The following DNAH9 variants were observed in gnomAD, a reference collection of about 807,000 sequenced individuals.
DNAH9 encodes the protein dynein axonemal heavy chain 9.
DNAH9 carries 345 observed loss-of-function variants against 471.6 expected under a neutral mutation model. The observed-to-expected ratio is 0.73, with a 90% CI of 0.67 to 0.80. The LOEUF is 0.80. Among genes scored for constraint, DNAH9 ranks in the 30% least tolerant of loss-of-function variants. DNAH9 has a pLI of 0.00. For synonymous variants in DNAH9, 2,093 were observed against 2,123.6 expected, an observed-to-expected ratio of 0.99 and a Z score of 0.40; for missense variants, 5,407 against 5,609.2, an observed-to-expected ratio of 0.96 and a Z score of 1.15.
At position 11,934,057 on chromosome 17, in the gene DNAH9, A is replaced by C. The variant is rs780091329; in HGVS notation, c.12475A>C (p.Asn4159His). 6 of 1,613,684 alleles carry C rather than the reference A, an allele frequency of 3.7e-6. No homozygotes were observed. The highest frequency in any genetic ancestry group is 4.2e-6 in the Non-Finnish European group (5 of 1,179,760). Residue 4159 changes from asparagine (N) to histidine (H), a missense_variant, in exon 65 of 69, where the codon AAT (asparagine) becomes CAT (histidine). Coordinates refer to ENST00000262442, the MANE Select transcript of DNAH9 (RefSeq NM_001372.4). ...GFPLPGNMDY[N>H]GYHQYIDAEL... ...CCCACTCCCAGGCAACATGGACTAC[A>C]ATGGTTATCATCAGGTGAGACTCTG...
chr17:11,735,427 T>TTTTTG (rs545975130), intron 28 of DNAH9, among the ~76,000 whole-genome samples: 1 of 152,068 alleles, frequency 6.6e-6, no homozygotes, highest in Non-Finnish European at 1.5e-5. Flanking sequence ...TTGTTTTGTT[T>TTTTTG]TTTTGTTTTG....
In DNAH9 at chr17:11,632,204, C is replaced by T. The variant is rs754815110; in HGVS notation, c.1519-383C>T. ...ACAGAATTCTGACTTGGGGAAGGAA[C>T]GAAAGTGGGTGGTAAAGTTGAAATA... On this transcript the variant is annotated intron_variant, in intron 7 of 68. Transcript: ENST00000262442. Among the ~76,000 whole-genome samples, 12 of 152,252 alleles carry T rather than the reference C, an allele frequency of 7.9e-5. 1 individual carries two copies. In the South Asian group the frequency reaches 8.3e-4, roughly 11 times the overall value.
intron 27 of DNAH9, among the ~76,000 whole-genome samples, chr17:11,727,047 CAAAAAAAAAA>C (rs55659834): frequency 1.0e-4 from 7 of 68,464 alleles, no homozygotes; most frequent in South Asian, 8.9e-4. Flanking sequence ...GACTCCGTCT[CAAAAAAAAAA>C]AAAAAAAAAA....
chr17:11,881,551 A>G (rs1972722433), intron 55 of DNAH9, 138 bp downstream of exon 55: 1 of 803,744 alleles, frequency 1.2e-6, no homozygotes, highest in Admixed American at 3.0e-5. Context: ...TGCTGACCCC[A>G]TGTAGCAACC....
intron 43 of DNAH9, among the ~76,000 whole-genome samples, chr17:11,798,432 CAAAAA>C (rs71142247): frequency 9.7e-5 from 6 of 61,596 alleles, no homozygotes; most frequent in East Asian, 5.6e-4. Flanking sequence ...GACTCTGCCT[CAAAAA>C]AAAAAAAAAA....
chr17:11,889,778 A>T (rs1972993266), intron 57 of DNAH9, among the ~76,000 whole-genome samples: 1 of 152,228 alleles, frequency 6.6e-6, no homozygotes, highest in South Asian at 2.1e-4. Flanking sequence ...AAGATGAAAA[A>T]TACCAAAGAT....
chr17:11,716,885 C>T (rs370085224), intron 26 of DNAH9, among the ~76,000 whole-genome samples: 2 of 152,180 alleles, frequency 1.3e-5, no homozygotes, highest in Non-Finnish European at 2.9e-5. Flanking sequence ...AGGCAGGGGG[C>T]CATGGCAGGC....
At chr17:11,721,320 A>G (rs2150804839) in intron 27 of DNAH9, among the ~76,000 whole-genome samples, 1 of 152,118 alleles carries the variant, frequency 6.6e-6, no homozygotes, top group South Asian at 2.1e-4. Flanking sequence ...TTTTTCAACT[A>G]TAGGCTAAGC....
chr17:11,705,040 G>T lies in DNAH9; in HGVS notation c.5407G>T (p.Ala1803Ser), dbSNP rs2074675491. 6.2e-7 allele frequency: 1 copy of T among 1,614,166 alleles called. No homozygotes were observed. Among genetic ancestry groups the T allele is most frequent in the Non-Finnish European group, 8.5e-7 (1 of 1,180,000 alleles). Residue 1803 changes from alanine to serine, a missense_variant, in exon 26 of 69, where the codon GCT becomes TCT. Physicochemically the swap from Ala to Ser is moderately conservative, Grantham distance 99 (BLOSUM62 1). This residue lies in a region of DNAH9 where 4,636 missense variants were observed against 4,900.3 expected (regional missense o/e 0.95). Coordinates refer to ENST00000262442, the MANE Select transcript of DNAH9 (RefSeq NM_001372.4). ...MIAQKVDNAQ[A>S]FLWLSQLRHR... ...CTCTCTTTAGGTAGACAATGCCCAG[G>T]CTTTCCTCTGGCTGTCTCAGCTGCG... is the stretch of plus-strand genomic sequence containing the variant.
chr17:11,866,598 G>A (rs1409549937), intron 50 of DNAH9, among the ~76,000 whole-genome samples: 51 of 152,316 alleles, frequency 3.3e-4, no homozygotes, highest in Non-Finnish European at 2.9e-5. Flanking sequence ...CTGTCTTTTT[G>A]TTTGTCTGTG....
chr17:11,698,894 G>A (rs2074540471), intron 22 of DNAH9, among the ~76,000 whole-genome samples: 1 of 152,034 alleles, frequency 6.6e-6, no homozygotes, highest in Admixed American at 6.5e-5. Context: ...CTTGCCATGA[G>A]CATGCCTGCA....
At chr17:11,699,917 TTC>T in intron 23 of DNAH9, 34 bp downstream of exon 23, 1 of 1,610,372 alleles carries the variant, frequency 6.2e-7, no homozygotes, top group South Asian at 1.1e-5. Context: ...CCTTCTGCTT[TTC>T]TCTCTCAAAT....
intron 26 of DNAH9, among the ~76,000 whole-genome samples, chr17:11,713,195 A>G (rs1264041221): frequency 2.0e-5 from 3 of 151,788 alleles, no homozygotes; most frequent in African/African-American, 7.3e-5. Flanking sequence ...AGGATAATAG[A>G]CTCCAACTCC....
chr17:11,858,720 T>C (rs2150974356), intron 50 of DNAH9, among the ~76,000 whole-genome samples: 1 of 152,324 alleles, frequency 6.6e-6, no homozygotes, highest in East Asian at 1.9e-4. Context: ...GTTGTCCATT[T>C]CCATGTCTTC....
In DNAH9 at chr17:11,623,227, G is replaced by A. The variant is rs1385123059; in HGVS notation, c.1350+3446G>A. ...AACCTCAGGAGATCCACCCAGCTTG[G>A]CCTCCCAAAGTGCTGGGATTACAGG... On this transcript the variant is annotated intron_variant, in intron 6 of 68. Coordinates refer to ENST00000262442, the MANE Select transcript of DNAH9 (RefSeq NM_001372.4). The surrounding 1 kb of genome is among the most constrained non-coding windows in gnomAD (Gnocchi z 4.1). Among the ~76,000 whole-genome samples the A allele has an allele frequency of 2.6e-5, 4 of 152,002 alleles. No individual in the cohort carries two copies. Among genetic ancestry groups the A allele is most frequent in the East Asian group, 1.9e-4 (1 of 5,160 alleles).
At chr17:11,809,065 G>A (rs1969793566) in intron 44 of DNAH9, among the ~76,000 whole-genome samples, 1 of 152,160 alleles carries the variant, frequency 6.6e-6, no homozygotes, top group Admixed American at 6.5e-5. Context: ...AGAACTGATG[G>A]CTGAGCTTGG....
intron 35 of DNAH9, among the ~76,000 whole-genome samples, chr17:11,762,770 G>GTTGTTTT (rs1967746481): frequency 1.1e-5 from 1 of 90,742 alleles, no homozygotes; most frequent in Non-Finnish European, 2.2e-5. Context: ...TTTTTTTTTT[G>GTTGTTTT]TTTTTTTTTT....
chr17:11,810,516 G>T, intron 45 of DNAH9, 147 bp downstream of exon 45: 1 of 993,276 alleles, frequency 1.0e-6, no homozygotes, highest in Non-Finnish European at 1.4e-6. Context: ...GTTCATTGAG[G>T]TCCTTCTCAG....
In DNAH9 at chr17:11,707,959, CCACACA is replaced by C. The variant is rs756020074; in HGVS notation, c.5552+2825_5552+2830del. On this transcript the variant is annotated intron_variant, in intron 26 of 68. Transcript: ENST00000262442. ...TGTTTCTAAAAGGCAGCCTCTCCCA[CCACACA>C]CACACACACACACACACACACACAC... 4.6e-3 allele frequency among the ~76,000 whole-genome samples: 485 copies of C among 106,432 alleles called. 1 individual carries two copies. The highest frequency in any genetic ancestry group is 0.012 in the African/African-American group (289 of 23,172). 69.8% of individuals were successfully genotyped at this position (106,432 alleles called of 152,430 possible). A position where few individuals can be genotyped will look rare whatever the true frequency, so the allele number is the denominator to read the frequency against.
Sources: allele counts gnomAD v4.1 joint callset (sites outside exome capture counted in the v4.1 genomes callset), GRCh38; gene constraint gnomAD v4.1.1; regional missense constraint gnomAD v4.1.1; non-coding constraint Gnocchi (gnomAD v3.1); transcripts MANE v1.5; gene names NCBI Gene and HGNC (gene_info 2026-07-23, HGNC 2026-07-21).